SNX29: variants seen among roughly 807,000 people sequenced by gnomAD.
The protein encoded by SNX29 is sorting nexin-29.
In SNX29, 78 loss-of-function variants were observed where a neutral mutation model predicts 102.1. The observed-to-expected ratio is 0.76, with a 90% confidence interval of 0.64 to 0.92. SNX29 has a LOEUF of 0.92. Ranked by LOEUF, SNX29 falls within the 40% of genes least tolerant of loss-of-function variation. The probability of loss-of-function intolerance (pLI) is 0.00; values close to 1 mark genes in which losing one functional copy is unlikely to be tolerated. For synonymous variants in SNX29, 580 were observed against 414.5 expected, an observed-to-expected ratio of 1.40 and a Z score of -4.85; for missense variants, 1,280 against 1,061.7, an observed-to-expected ratio of 1.21 and a Z score of -2.86.
At chr16:12,360,077 G>C (rs901966259) in intron 16 of SNX29, among the ~76,000 whole-genome samples, 5 of 152,190 alleles carry the variant, frequency 3.3e-5, no homozygotes, top group Non-Finnish European at 7.3e-5. Context: ...GCCCGCCTCG[G>C]CCTCCCAGAG....
chr16:12,520,820 G>T (rs1363888553), intron 19 of SNX29, among the ~76,000 whole-genome samples: 1 of 152,112 alleles, frequency 6.6e-6, no homozygotes, highest in Admixed American at 6.5e-5. Flanking sequence ...TGGGAGGGAG[G>T]TGAGGGATAA....
At chr16:12,370,271 A>G (rs1195835624) in intron 16 of SNX29, among the ~76,000 whole-genome samples, 4 of 149,760 alleles carry the variant, frequency 2.7e-5, no homozygotes, top group Non-Finnish European at 5.9e-5. Context: ...AACAACAAAA[A>G]TAAAGGTGGC....
intron 15 of SNX29, among the ~76,000 whole-genome samples, chr16:12,349,704 T>C (rs2081940626): frequency 6.6e-6 from 1 of 152,242 alleles, no homozygotes. Flanking sequence ...TGACAGGCGT[T>C]GATAGCATTG....
chr16:12,566,107 C>A (rs911553715), intron 20 of SNX29, among the ~76,000 whole-genome samples: 1 of 152,238 alleles, frequency 6.6e-6, no homozygotes, highest in Non-Finnish European at 1.5e-5. Flanking sequence ...AACCACCCCA[C>A]CTTTATTCTG....
chr16:12,542,858 G>A (rs1260338168), intron 20 of SNX29, among the ~76,000 whole-genome samples: 1 of 151,944 alleles, frequency 6.6e-6, no homozygotes, highest in African/African-American at 2.4e-5. Context: ...ACTCAGAAAT[G>A]CTAAATGTCT....
intron 14 of SNX29, among the ~76,000 whole-genome samples, chr16:12,240,585 C>CTT (rs1180028807): frequency 0.14 from 8,922 of 64,120 alleles, 3,249 homozygotes; most frequent in Non-Finnish European, 0.19. Flanking sequence ...TTTGTCATTT[C>CTT]TTTTTTTTTT....
At chr16:12,379,437 A>G (rs2082997513) in intron 16 of SNX29, among the ~76,000 whole-genome samples, 1 of 152,150 alleles carries the variant, frequency 6.6e-6, no homozygotes, top group Admixed American at 6.5e-5. Context: ...TCCTTTCTTT[A>G]GGGAAGAAAT....
intron 16 of SNX29, among the ~76,000 whole-genome samples, chr16:12,369,588 G>A (rs1411334885): frequency 2.6e-5 from 4 of 152,136 alleles, no homozygotes; most frequent in Non-Finnish European, 5.9e-5. Flanking sequence ...TTTCATTTCT[G>A]TCATCCTAAA....
chr16:12,441,655 T>G (rs537080301), intron 18 of SNX29, among the ~76,000 whole-genome samples: 2 of 152,252 alleles, frequency 1.3e-5, no homozygotes, highest in African/African-American at 2.4e-5. Flanking sequence ...GTTTTTTCTT[T>G]TGTTGCTTGT....
intron 11 of SNX29, among the ~76,000 whole-genome samples, chr16:12,116,313 C>T (rs994640871): frequency 7.2e-5 from 11 of 152,168 alleles, no homozygotes; most frequent in Admixed American, 1.3e-4. Context: ...TATAAATGTC[C>T]ATTATCTGAA....
intron 14 of SNX29, among the ~76,000 whole-genome samples, chr16:12,222,846 G>A (rs571141889): frequency 2.3e-4 from 35 of 152,266 alleles, no homozygotes; most frequent in African/African-American, 8.2e-4. Flanking sequence ...TGGGATTACA[G>A]GTGTAAGCCA....
At chr16:12,392,401 C>T (rs1211544110) in intron 16 of SNX29, among the ~76,000 whole-genome samples, 1 of 152,174 alleles carries the variant, frequency 6.6e-6, no homozygotes, top group Admixed American at 6.5e-5. Flanking sequence ...GTAGTAAGTT[C>T]GATCATTTCC....
At chr16:12,503,886 A>G (rs899032162) in intron 19 of SNX29, among the ~76,000 whole-genome samples, 3 of 152,238 alleles carry the variant, frequency 2.0e-5, no homozygotes, top group Admixed American at 6.5e-5. Flanking sequence ...TTTTTTAAAA[A>G]AAGTTTTATT....
intron 11 of SNX29, among the ~76,000 whole-genome samples, chr16:12,103,683 T>G (rs1270758173): frequency 2.0e-5 from 3 of 152,114 alleles, no homozygotes; most frequent in Non-Finnish European, 4.4e-5. Flanking sequence ...AAAACCAAAA[T>G]TGACAAATGG....
chr16:12,503,752 C>G (rs1383606227), intron 19 of SNX29, among the ~76,000 whole-genome samples: 1 of 152,124 alleles, frequency 6.6e-6, no homozygotes, highest in East Asian at 1.9e-4. Context: ...AAGGCAGAGC[C>G]TCTGGCAGGC....
intron 2 of SNX29, among the ~76,000 whole-genome samples, chr16:12,002,363 G>C (rs1167380107): frequency 6.6e-6 from 1 of 151,438 alleles, no homozygotes; most frequent in African/African-American, 2.4e-5. Flanking sequence ...CAGGAGAATG[G>C]CTTGAACCCG....
At chr16:12,058,644 C>A (rs749052536) in intron 8 of SNX29, among the ~76,000 whole-genome samples, 7 of 151,352 alleles carry the variant, frequency 4.6e-5, no homozygotes, top group East Asian at 1.9e-4. Context: ...CAAGCACCCA[C>A]CACCACGCCC....
chr16:12,046,277 G>A, intron 5 of SNX29, 107 bp from the exon 6 acceptor site: 4 of 1,071,356 alleles, frequency 3.7e-6, no homozygotes, highest in Non-Finnish European at 5.6e-6. Flanking sequence ...TCCCTCTTGG[G>A]GTGACCAGGT....
rs1340624372 is a variant in SNX29, at chr16:12,419,004, G to A, written c.2037+15475G>A. On this transcript the variant is annotated intron_variant, in intron 18 of 20. Transcript: ENST00000566228. ...GGAAAGAAGGGGCTGCTGGCTTGTA[G>A]TGGGCAGGGCCGGGGGTGCTGCTCA... Among the ~76,000 whole-genome samples the A allele has an allele frequency of 3.9e-5, 6 of 152,340 alleles. No individual in the cohort carries two copies. In the South Asian group the frequency reaches 1.2e-3, roughly 32 times the overall value.
Sources: gnomAD v4.1 joint callset for allele counts (sites outside exome capture counted in the v4.1 genomes callset) on GRCh38, gnomAD v4.1.1 for gene constraint, MANE v1.5 for transcripts, NCBI Gene and HGNC (gene_info 2026-07-23, HGNC 2026-07-21) for gene names.